Variants in SCGN observed in about 807,000 individuals in gnomAD.
SCGN encodes secretagogin, EF-hand calcium binding protein.
A neutral mutation model predicts 39.7 loss-of-function variants in SCGN; 30 were observed. The observed-to-expected ratio is 0.76, with a 90% CI of 0.57 to 1.03. The LOEUF (loss-of-function observed/expected upper bound fraction) is 1.03, where lower values mean the gene tolerates loss of function less well. SCGN is among the 50% of genes least tolerant of loss of function. The probability of loss-of-function intolerance (pLI) is 0.00; values close to 1 mark genes in which losing one functional copy is unlikely to be tolerated. For synonymous variants in SCGN, 106 were observed against 114.1 expected, an observed-to-expected ratio of 0.93 and a Z score of 0.45; for missense variants, 353 against 349.4, an observed-to-expected ratio of 1.01 and a Z score of -0.08.
intron 6 of SCGN, among the ~76,000 whole-genome samples, chr6:25,673,431 T>C (rs1406912217): frequency 1.3e-5 from 2 of 152,190 alleles, no homozygotes; most frequent in Non-Finnish European, 2.9e-5. Context: ...CTTCACAGCC[T>C]TCAGGCTTGA....
At chr6:25,698,227 T>G (rs1369929171) in intron 10 of SCGN, among the ~76,000 whole-genome samples, 27 of 152,188 alleles carry the variant, frequency 1.8e-4, no homozygotes, top group Admixed American at 1.8e-3. Flanking sequence ...AGGAACTTCC[T>G]TTACATACAT....
chr6:25,696,903 A>G (rs1308951732), intron 10 of SCGN, among the ~76,000 whole-genome samples: 2 of 152,174 alleles, frequency 1.3e-5, no homozygotes, highest in Admixed American at 1.3e-4. Flanking sequence ...AAAAGAGAGG[A>G]TAGGTGGCAA....
Position 25,665,044 on chromosome 6 carries a change from G to T in SCGN, c.336+12G>T. The T allele has an allele frequency of 6.2e-7, 1 of 1,604,756 alleles. No homozygotes were observed. The highest frequency in any genetic ancestry group is 8.5e-7 in the Non-Finnish European group (1 of 1,171,824). On this transcript the variant is annotated intron_variant, in intron 4 of 10. Transcript: ENST00000377961. Reference sequence around the variant, plus strand: ...TGGAGTTTATGCAGGTGAGTGCTTGGTTGTGTCTCTGTGAAGAAAGAGGAC... The same window carrying T: ...TGGAGTTTATGCAGGTGAGTGCTTGTTTGTGTCTCTGTGAAGAAAGAGGAC...
At chr6:25,667,932 T>C (rs1480407943) in intron 4 of SCGN, among the ~76,000 whole-genome samples, 1 of 152,206 alleles carries the variant, frequency 6.6e-6, no homozygotes, top group African/African-American at 2.4e-5. Flanking sequence ...ATTCTCATAG[T>C]TTTGGCATAT....
intron 6 of SCGN, among the ~76,000 whole-genome samples, chr6:25,680,657 T>C (rs554359957): frequency 1.3e-5 from 2 of 152,298 alleles, no homozygotes; most frequent in African/African-American, 4.8e-5. Context: ...AATGAAGGTG[T>C]CACAGAAAAT....
intron 10 of SCGN, among the ~76,000 whole-genome samples, chr6:25,693,189 T>C (rs1004877593): frequency 2.0e-5 from 3 of 152,114 alleles, no homozygotes; most frequent in Non-Finnish European, 4.4e-5. Flanking sequence ...CGGTGGCTCA[T>C]GCCTGTAATC....
intron 4 of SCGN, among the ~76,000 whole-genome samples, chr6:25,665,772 G>A (rs554201538): frequency 6.6e-5 from 10 of 152,332 alleles, no homozygotes; most frequent in Non-Finnish European, 1.5e-4. Context: ...GCAATTCACA[G>A]AAGAAATTCT....
intron 6 of SCGN, 87 bp from the exon 7 acceptor site, chr6:25,681,864 T>C (rs1244163077): frequency 4.4e-6 from 5 of 1,134,758 alleles, no homozygotes; most frequent in Non-Finnish European, 6.6e-6. Context: ...AAATATGTAA[T>C]CAGAAGAGCA....
chr6:25,691,275 C>A, intron 10 of SCGN, 151 bp downstream of exon 10: 2 of 557,530 alleles, frequency 3.6e-6, no homozygotes, highest in Non-Finnish European at 3.2e-6. Context: ...GCTATGAAAC[C>A]CAACAAACCT....
chr6:25,685,335 C>G (rs1299641221), intron 7 of SCGN, among the ~76,000 whole-genome samples: 1 of 152,200 alleles, frequency 6.6e-6, no homozygotes, highest in Non-Finnish European at 1.5e-5. Flanking sequence ...TTTTCTCTCT[C>G]TACTTTCAGC....
chr6:25,681,000 C>T (rs919750376), intron 6 of SCGN, among the ~76,000 whole-genome samples: 1 of 152,112 alleles, frequency 6.6e-6, no homozygotes, highest in Non-Finnish European at 1.5e-5. Context: ...TATGGATATG[C>T]TTAGAGATAT....
chr6:25,696,365 A>G (rs1215470828), intron 10 of SCGN, among the ~76,000 whole-genome samples: 3 of 152,040 alleles, frequency 2.0e-5, no homozygotes, highest in Non-Finnish European at 4.4e-5. Flanking sequence ...TAGACATTAC[A>G]ATATCATAGT....
intron 7 of SCGN, among the ~76,000 whole-genome samples, chr6:25,684,548 A>G (rs1759679052): frequency 6.6e-6 from 1 of 152,200 alleles, no homozygotes; most frequent in South Asian, 2.1e-4. Context: ...TAATCCCAGC[A>G]CTGTGGGAGG....
chr6:25,655,422 G>T (rs1760209986), intron 2 of SCGN, among the ~76,000 whole-genome samples: 1 of 152,202 alleles, frequency 6.6e-6, no homozygotes, highest in Non-Finnish European at 1.5e-5. Context: ...TGAGAGAAAA[G>T]AGGGATGTCA....
chr6:25,668,424 C>T (rs374266793), intron 4 of SCGN, among the ~76,000 whole-genome samples: 21 of 152,276 alleles, frequency 1.4e-4, no homozygotes, highest in East Asian at 9.6e-4. Context: ...GAATGCTGGC[C>T]TCACACTAAT....
At chr6:25,656,428 A>G (rs1206041717) in intron 2 of SCGN, among the ~76,000 whole-genome samples, 2 of 152,288 alleles carry the variant, frequency 1.3e-5, no homozygotes, top group African/African-American at 4.8e-5. Flanking sequence ...CCTGCTTGTA[A>G]TTACCTATTC....
intron 6 of SCGN, among the ~76,000 whole-genome samples, chr6:25,673,284 C>T (rs149800146): frequency 2.6e-5 from 4 of 152,288 alleles, no homozygotes; most frequent in African/African-American, 7.2e-5. Flanking sequence ...GAGCTTTATG[C>T]TCTGAAATTC....
intron 3 of SCGN, 63 bp from the exon 4 acceptor site, chr6:25,664,879 AG>A (rs1161291621): frequency 7.9e-7 from 1 of 1,263,592 alleles, no homozygotes; most frequent in African/African-American, 1.5e-5. Context: ...GCCTTTTACC[AG>A]GGAGCACTCT....
chr6:25,698,180 G>C (rs1411211508), intron 10 of SCGN, among the ~76,000 whole-genome samples: 4 of 152,140 alleles, frequency 2.6e-5, no homozygotes, highest in Non-Finnish European at 5.9e-5. Flanking sequence ...CTCATATTGA[G>C]TTGCCCAATA....
Sources: allele counts gnomAD v4.1 joint callset (sites outside exome capture counted in the v4.1 genomes callset), GRCh38; gene constraint gnomAD v4.1.1; transcripts MANE v1.5; gene names NCBI Gene and HGNC (gene_info 2026-07-23, HGNC 2026-07-21).